CCDC171: variants seen among roughly 807,000 people sequenced by gnomAD.
CCDC171 encodes coiled-coil domain-containing protein 171.
In CCDC171, 177 loss-of-function variants were observed where a neutral mutation model predicts 168.2. The ratio of observed to expected loss-of-function variants is 1.05; its 90% CI spans 0.93 to 1.19. The LOEUF is 1.19. CCDC171 is among the 50% of genes most tolerant of loss of function. The pLI is 0.00. For synonymous variants in CCDC171, 687 were observed against 540.8 expected (o/e 1.27, Z -3.75); for missense variants, 1,991 against 1,539.0 (o/e 1.29, Z -4.91).
rs1447813912 is a variant in CCDC171, at chr9:15,819,090, A to G, written c.3268-27612A>G. 1.7e-5 allele frequency among the ~76,000 whole-genome samples: 2 copies of G among 116,736 alleles called. 1 individual carries two copies. The highest frequency in any genetic ancestry group is 3.8e-5 in the Non-Finnish European group (2 of 52,164). The allele number at this position is 116,736 out of a possible 152,430, so 76.6% of individuals were successfully genotyped here. A position where few individuals can be genotyped will look rare whatever the true frequency, so the allele number is the denominator to read the frequency against. On this transcript the variant is annotated intron_variant, in intron 21 of 25. Coordinates refer to ENST00000380701, the MANE Select transcript of CCDC171 (RefSeq NM_173550.4). ...AACCCAGAATTTCATATCCAGCCAA[A>G]CTAAGCTTCATAAGTGAAGGAGAAA... is the stretch of plus-strand genomic sequence containing the variant.
intron 3 of CCDC171, among the ~76,000 whole-genome samples, chr9:15,576,064 C>G (rs1045878109): frequency 6.7e-6 from 1 of 149,000 alleles, no homozygotes; most frequent in Non-Finnish European, 1.5e-5. Context: ...TGTACTCCAG[C>G]TTCGGCAACA....
intron 10 of CCDC171, among the ~76,000 whole-genome samples, chr9:15,686,548 G>A (rs192663660): frequency 9.2e-5 from 14 of 151,940 alleles, no homozygotes; most frequent in African/African-American, 3.1e-4. Context: ...GATAATATAT[G>A]TATCAAAATA....
intron 25 of CCDC171, among the ~76,000 whole-genome samples, chr9:15,965,259 T>G (rs1247496813): frequency 6.6e-6 from 1 of 152,184 alleles, no homozygotes; most frequent in Non-Finnish European, 1.5e-5. Flanking sequence ...AATATAAACA[T>G]TTCTTTTAGC....
At chr9:15,928,056 C>T (rs1826084041) in intron 25 of CCDC171, among the ~76,000 whole-genome samples, 1 of 151,670 alleles carries the variant, frequency 6.6e-6, no homozygotes, top group African/African-American at 2.4e-5. Flanking sequence ...GTTCAACTCC[C>T]TGGCTTTTAA....
chr9:15,808,949 C>T (rs1470299100), intron 21 of CCDC171, among the ~76,000 whole-genome samples: 1 of 152,154 alleles, frequency 6.6e-6, no homozygotes, highest in East Asian at 1.9e-4. Context: ...TCATAGATGG[C>T]ACCTTCTTGC....
At position 15,874,631 on chromosome 9, in the gene CCDC171, C is replaced by G. The variant is rs779824707; in HGVS notation, c.3568C>G (p.Leu1190Val). The G allele has an allele frequency of 6.2e-7, 1 of 1,601,804 alleles. No individual in the cohort carries two copies. Among genetic ancestry groups the G allele is most frequent in the Admixed American group, 1.7e-5 (1 of 58,524 alleles). ...CCTGGAGACCTTTGCAATGGAGGGG[C>G]TCAAGGGCGGGCCAGAGGTGGTAGC... is the stretch of plus-strand genomic sequence containing the variant. ...LHLETFAMEG[L>V]KGGPEVVACQ... is the part of the protein sequence containing the mutation. The change falls in exon 24 of 26, where the codon CTC (leucine) becomes GTC (valine). Residue 1190 changes from leucine (L) to valine (V), a missense_variant. Coordinates refer to ENST00000380701, the MANE Select transcript of CCDC171 (RefSeq NM_173550.4).
At chr9:15,803,075 A>T (rs898672260) in intron 21 of CCDC171, among the ~76,000 whole-genome samples, 1 of 152,180 alleles carries the variant, frequency 6.6e-6, no homozygotes, top group East Asian at 1.9e-4. Context: ...GTGTCTGTTC[A>T]TGTCCTTTGA....
chr9:15,825,491 A>T (rs1377220110), intron 21 of CCDC171, among the ~76,000 whole-genome samples: 1 of 152,158 alleles, frequency 6.6e-6, no homozygotes, highest in Non-Finnish European at 1.5e-5. Context: ...ATAGAAAGTT[A>T]ATTAAGGATT....
At chr9:16,105,320 G>A in the CCDC171 span, among the ~76,000 whole-genome samples, 3 of 152,138 alleles carry the variant, frequency 2.0e-5, no homozygotes, top group Non-Finnish European at 2.9e-5. Context: ...TACCTAGGAC[G>A]CTGGCACTCC....
chr9:16,045,369 C>T (rs1325495081), intron 1 of CCDC171, among the ~76,000 whole-genome samples: 2 of 152,202 alleles, frequency 1.3e-5, no homozygotes, highest in Non-Finnish European at 2.9e-5. Flanking sequence ...GCACTGTTGA[C>T]ATTTTGAGCT....
intron 15 of CCDC171, among the ~76,000 whole-genome samples, chr9:15,728,674 C>T (rs2053967935): frequency 6.6e-6 from 1 of 152,014 alleles, no homozygotes; most frequent in Admixed American, 6.6e-5. Flanking sequence ...TGCTTTTGGT[C>T]ATAGAAAATT....
chr9:16,058,845 G>C (rs1833884504), intron 1 of CCDC171, among the ~76,000 whole-genome samples: 1 of 152,326 alleles, frequency 6.6e-6, no homozygotes, highest in East Asian at 1.9e-4. Context: ...AGGCAGGATT[G>C]ACCCTGGGAA....
intron 19 of CCDC171, among the ~76,000 whole-genome samples, chr9:15,778,313 CAAAAAAAAAAAAAAAAAAAAAAAAAAA>C (rs71325933): frequency 2.6e-5 from 1 of 38,060 alleles, no homozygotes; most frequent in Non-Finnish European, 4.4e-5. Context: ...GACTCCGTCT[CAAAAAAAAAAAAAAAAAAAAAAAAAAA>C]AAAAAAAAAA....
intron 9 of CCDC171, among the ~76,000 whole-genome samples, chr9:15,671,491 A>T (rs1429019646): frequency 1.3e-5 from 2 of 151,892 alleles, no homozygotes; most frequent in African/African-American, 4.8e-5. Context: ...TCTTTCTCCT[A>T]ATGCTATCCC....
At chr9:15,815,501 A>G (rs1369814794) in intron 21 of CCDC171, among the ~76,000 whole-genome samples, 2 of 113,056 alleles carry the variant, frequency 1.8e-5, no homozygotes, top group African/African-American at 6.6e-5. Context: ...GCAGAGGGTA[A>G]CATTTTGTGA....
Position 15,744,334 on chromosome 9 carries a change from A to T in CCDC171, c.2111A>T (p.Glu704Val), listed in dbSNP as rs370067245. The T allele has an allele frequency of 1.9e-6, 3 of 1,613,542 alleles. No homozygotes were observed. The African/African-American group carries it at 4.0e-5, about 22-fold the overall frequency. ...TTGAACCATATTGAGAAGTCACATG[A>T]ACAGTTGGTTCTTGAAAATTCGCAC... Reference protein sequence around the residue: ...EKLNHIEKSHEQLVLENSHFK... With the variant: ...EKLNHIEKSHVQLVLENSHFK... Residue 704 changes from glutamate (E) to valine (V), a missense_variant, in exon 17 of 26, where the codon GAA becomes GTA. By Grantham distance (121) the Glu-to-Val change is moderately radical. Coordinates refer to ENST00000380701, the MANE Select transcript of CCDC171 (RefSeq NM_173550.4).
At chr9:16,061,404 T>C (rs1833929281), downstream of CCDC171, 2 of 152,240 alleles carry the variant, frequency 1.3e-5, no homozygotes, top group Admixed American at 6.5e-5. Context: ...CATTGAGTCT[T>C]AATCTATTAG....
At chr9:15,956,452 G>A (rs1425010047) in intron 25 of CCDC171, among the ~76,000 whole-genome samples, 2 of 152,158 alleles carry the variant, frequency 1.3e-5, no homozygotes, top group African/African-American at 4.8e-5. Flanking sequence ...TTAAGGTTTT[G>A]TGTGTGGCCT....
intron 18 of CCDC171, among the ~76,000 whole-genome samples, chr9:15,747,220 A>G (rs2055359596): frequency 6.6e-6 from 1 of 152,210 alleles, no homozygotes; most frequent in African/African-American, 2.4e-5. Flanking sequence ...TGGATGGGGC[A>G]TATCTGATCA....
Sources: allele counts gnomAD v4.1 joint callset (sites outside exome capture counted in the v4.1 genomes callset), GRCh38; gene constraint gnomAD v4.1.1; transcripts MANE v1.5; gene names NCBI Gene and HGNC (gene_info 2026-07-23, HGNC 2026-07-21).